The following MMP28 variants were observed in gnomAD, a reference collection of about 807,000 sequenced individuals.
The protein encoded by MMP28 is matrix metalloproteinase-28.
Under a neutral mutation model 60.5 loss-of-function variants are expected in MMP28, and 55 were observed. The observed-to-expected ratio is 0.91, with a 90% CI of 0.73 to 1.14. The LOEUF (loss-of-function observed/expected upper bound fraction) is 1.14, where lower values mean the gene tolerates loss of function less well. Among genes scored for constraint, MMP28 ranks in the 50% most tolerant of loss-of-function variants. The pLI is 0.00. For missense variants in MMP28, 686 were observed against 738.3 expected (o/e 0.93, Z 0.82); for synonymous variants, 318 against 312.5 (o/e 1.02, Z -0.18).
rs1035017941 is a variant in MMP28, at chr17:35,759,473, G to A, written c.266-3054C>T. On this transcript the variant is annotated intron_variant, in intron 2 of 2. Transcript: ENST00000615317. ...TCTGAGCACTTTGGGAGGCCGAGAC[G>A]GGCAGATTACGACGTCAGGAGATCG... Among the ~76,000 whole-genome samples, 7 of 152,286 alleles carry A rather than the reference G, an allele frequency of 4.6e-5. No homozygotes were observed. In the South Asian group the frequency reaches 6.2e-4, roughly 14 times the overall value.
chr17:35,770,856 C>A (rs1390829854), intron 4 of MMP28, among the ~76,000 whole-genome samples: 1 of 151,488 alleles, frequency 6.6e-6, no homozygotes, highest in Non-Finnish European at 1.5e-5. Context: ...TCGAGACCAG[C>A]CTGGGGAAAC....
chr17:35,779,285 G>A lies in MMP28; in HGVS notation c.150C>T (p.Val50=). ...ATCGAGTGGAGGTGGGAGCTTTGGG[G>A]ACCTGTTCATTGAGGTATCCGTACT... ...LEKYGYLNEQ[V]PKAPTSTRFS... is the part of the protein sequence containing the mutation. The change falls in exon 2 of 8, where the codon GTC becomes GTT. Residue 50 remains valine, a synonymous_variant. Transcript: ENST00000605424. 6.2e-7 allele frequency: 1 copy of A among 1,613,418 alleles called. No individual in the cohort carries two copies. The highest frequency in any genetic ancestry group is 8.5e-7 in the Non-Finnish European group (1 of 1,179,722).
intron 7 of MMP28, 134 bp from the exon 8 acceptor site, chr17:35,767,028 G>A (rs574922566): frequency 6.0e-6 from 5 of 830,252 alleles, no homozygotes; most frequent in Non-Finnish European, 8.0e-6. Context: ...TCAATCAAAC[G>A]GATTGCACTA....
rs375839623 is a variant in MMP28 at position 35,767,792 on chromosome 17, C to T, written c.1128G>A (p.Ala376=). 2.3e-5 allele frequency: 37 copies of T among 1,591,550 alleles called. No individual in the cohort carries two copies. Among genetic ancestry groups the T allele is most frequent in the African/African-American group, 5.4e-5 (4 of 74,464 alleles). ...AATCTCCATCATTCAATGACACTGC[C>T]GCAGCCTCAATGTTGGGGGGCAGCC... The part of the protein sequence containing the change: ...WVGLPPNIEA[A]AVSLNDGDFY... The change falls in exon 7 of 8, where the codon GCG becomes GCA. Residue 376 remains alanine (A), a synonymous_variant. Coordinates refer to ENST00000605424, the MANE Select transcript of MMP28 (RefSeq NM_024302.5).
chr17:35,761,471 T>A (rs190018896), downstream of MMP28, among the ~76,000 whole-genome samples: 1 of 151,938 alleles, frequency 6.6e-6, no homozygotes, highest in East Asian at 1.9e-4. Flanking sequence ...TGGAGTACAG[T>A]GGCGTTGTCA....
At chr17:35,764,187 GGCGCTCAGTGTCCTACTGCCCGCT>G, downstream of MMP28, 1 of 1,548,124 alleles carries the variant, frequency 6.5e-7, no homozygotes, top group Non-Finnish European at 8.7e-7. Flanking sequence ...GGCCGCGAGC[GGCGCTCAGTGTCCTACTGCCCGCT>G]GCGCCAGGAG....
intron 2 of MMP28, chr17:35,760,796 C>T: frequency 1.1e-6 from 1 of 896,196 alleles, no homozygotes. Flanking sequence ...TATTCCTGGG[C>T]AGAGCCTTAT....
intron 1 of MMP28, among the ~76,000 whole-genome samples, chr17:35,793,342 A>AC (rs1052511580): frequency 4.6e-5 from 7 of 152,102 alleles, no homozygotes; most frequent in Non-Finnish European, 8.8e-5. Flanking sequence ...ATTGCCTGGG[A>AC]CCCGCACTTG....
chr17:35,774,582 A>C (rs1168328209), intron 3 of MMP28, among the ~76,000 whole-genome samples: 3 of 152,212 alleles, frequency 2.0e-5, no homozygotes, highest in Non-Finnish European at 4.4e-5. Flanking sequence ...CTCCAGATGT[A>C]AGGGAGGGTC....
In MMP28 at chr17:35,795,404, C is replaced by A; in HGVS notation, c.-27G>T. The stretch of plus-strand genomic sequence containing the variant: ...TCGCCGCCTCCGGTGCAGCCCGGCT[C>A]GGGGAGCTACTGCGCGCAGGGAACC... On this transcript the variant is annotated 5_prime_UTR_variant, in exon 1 of 8. Transcript: ENST00000605424. 2 of 1,383,164 alleles carry A rather than the reference C, an allele frequency of 1.4e-6. No homozygotes were observed. The highest frequency in any genetic ancestry group is 3.3e-5 in the Admixed American group (1 of 30,580). 85.7% of individuals were successfully genotyped at this position (1,383,164 alleles called of 1,614,324 possible). A position where few individuals can be genotyped will look rare whatever the true frequency, so the allele number is the denominator to read the frequency against.
intron 1 of MMP28, among the ~76,000 whole-genome samples, chr17:35,788,687 C>A (rs566242034): frequency 6.6e-6 from 1 of 152,118 alleles, no homozygotes. Context: ...GCTCCAGTGT[C>A]TCCCTGGAGA....
intron 3 of MMP28, among the ~76,000 whole-genome samples, chr17:35,775,608 T>C (rs2086302443): frequency 6.6e-6 from 1 of 152,156 alleles, no homozygotes; most frequent in Admixed American, 6.5e-5. Flanking sequence ...CATAACAAAT[T>C]ATGGAATCTC....
At position 35,770,309 on chromosome 17, in the gene MMP28, C is replaced by G; in HGVS notation, c.608G>C (p.Gly203Ala). 1 of 1,511,224 alleles carries G rather than the reference C, an allele frequency of 6.6e-7. No individual in the cohort carries two copies. The highest frequency in any genetic ancestry group is 8.8e-7 in the Non-Finnish European group (1 of 1,138,396). 93.6% of individuals were successfully genotyped at this position (1,511,224 alleles called of 1,614,324 possible). ...GLGNAFDGPG[G>A]ALAHAFLPRR... ...GGGCAGGAAGGCGTGCGCCAGGGCG[C>G]CCCCTGCAGGTGGGGCAGAAGGTCA... The change falls in exon 5 of 8, where the codon GGC becomes GCC. Residue 203 changes from glycine (G) to alanine (A), a missense_variant. Transcript: ENST00000605424.
chr17:35,763,125 A>G (rs1555601829), downstream of MMP28, among the ~76,000 whole-genome samples: 7 of 148,396 alleles, frequency 4.7e-5, no homozygotes, highest in South Asian at 1.3e-3. Context: ...CCGTCTCCAA[A>G]AAAAAAAAAA....
At chr17:35,791,853 C>T (rs1352800722) in intron 1 of MMP28, among the ~76,000 whole-genome samples, 1 of 152,152 alleles carries the variant, frequency 6.6e-6, no homozygotes, top group Non-Finnish European at 1.5e-5. Flanking sequence ...GCACAGTCCC[C>T]AGGGAAGGAC....
chr17:35,768,175 C>T, intron 6 of MMP28, 55 bp downstream of exon 6: 1 of 1,543,868 alleles, frequency 6.5e-7, no homozygotes, highest in Non-Finnish European at 8.7e-7. Context: ...GCTCTGGAGA[C>T]ACTAAGAGAT....
At chr17:35,794,554 T>C (rs2086909647) in intron 1 of MMP28, among the ~76,000 whole-genome samples, 1 of 152,086 alleles carries the variant, frequency 6.6e-6, no homozygotes, top group South Asian at 2.1e-4. Flanking sequence ...CCTACACTTT[T>C]ATCTAGAAAA....
intron 1 of MMP28, among the ~76,000 whole-genome samples, chr17:35,786,348 A>G (rs559171457): frequency 3.9e-5 from 6 of 152,234 alleles, no homozygotes; most frequent in Non-Finnish European, 7.4e-5. Flanking sequence ...GTGAGCCACC[A>G]TGCCCAGCCA....
At chr17:35,785,450 G>GATT (rs1162518424) in intron 1 of MMP28, among the ~76,000 whole-genome samples, 6 of 151,918 alleles carry the variant, frequency 3.9e-5, no homozygotes, top group Admixed American at 2.0e-4. Context: ...TAGGAGGTTG[G>GATT]ATTATTATTA....
Sources: allele counts gnomAD v4.1 joint callset (sites outside exome capture counted in the v4.1 genomes callset), GRCh38; gene constraint gnomAD v4.1.1; transcripts MANE v1.5; gene names NCBI Gene and HGNC (gene_info 2026-07-23, HGNC 2026-07-21).